Variants in EPS8L2 observed in about 807,000 individuals in gnomAD.
The protein encoded by EPS8L2 is EPS8 signaling adaptor L2.
A neutral mutation model predicts 99.4 loss-of-function variants in EPS8L2; 81 were observed. The observed-to-expected ratio is 0.82, with a 90% CI of 0.68 to 0.98. The LOEUF (loss-of-function observed/expected upper bound fraction) is 0.98, where lower values mean the gene tolerates loss of function less well. Ranked by LOEUF, EPS8L2 falls within the 50% of genes least tolerant of loss-of-function variation. The pLI, the probability that EPS8L2 is intolerant of heterozygous loss-of-function variation, is 0.00. For synonymous variants in EPS8L2, 509 were observed against 407.3 expected (o/e 1.25, Z -3.01); for missense variants, 1,155 against 968.8 (o/e 1.19, Z -2.55).
chr11:719,451 G>A (rs949427188), intron 4 of EPS8L2, among the ~76,000 whole-genome samples: 1 of 152,246 alleles, frequency 6.6e-6, no homozygotes, highest in Non-Finnish European at 1.5e-5. Context: ...AAGAGGAGAG[G>A]TGAAGGGCAC....
At chr11:715,038 C>G (rs539449123) in intron 4 of EPS8L2, among the ~76,000 whole-genome samples, 28 of 152,132 alleles carry the variant, frequency 1.8e-4, no homozygotes, top group East Asian at 1.2e-3. Flanking sequence ...GTCAGGAGAT[C>G]AAGACCATTC....
chr11:720,606 G>T lies in EPS8L2; in HGVS notation c.337G>T (p.Glu113Ter). The T allele has an allele frequency of 6.2e-7, 1 of 1,600,148 alleles. No individual in the cohort carries two copies. Among genetic ancestry groups the T allele is most frequent in the South Asian group, 1.1e-5 (1 of 88,624 alleles). ...CGCGATGTACCCGCAGGAGGAGCTG[G>T]AAGACTTCCCGCTGCCCACGGTGCA... ...LLDIESQEEL[E>*]DFPLPTVQRS... The change falls in exon 6 of 21, where the codon GAA becomes TAA. Residue 113 changes from glutamate (E) to a stop codon, truncating the protein, a stop_gained. Transcript: ENST00000318562. LOFTEE classifies it high-confidence loss of function.
rs1485373721 is a variant in EPS8L2 at position 715,617 on chromosome 11, TG to T, written c.166-4444del. On this transcript the variant is annotated intron_variant, in intron 4 of 20. Coordinates refer to ENST00000318562, the MANE Select transcript of EPS8L2 (RefSeq NM_022772.4). ...TTTGATTCACTTTATCTTTTTCTTTTGTTTTTTTTTTTTTTTTTTTTGAAAT... is the reference window on the plus strand; with the variant it reads ...TTTGATTCACTTTATCTTTTTCTTTTTTTTTTTTTTTTTTTTTTTTGAAAT... 7.6e-3 allele frequency among the ~76,000 whole-genome samples: 1,122 copies of T among 147,210 alleles called. 22 individuals carry two copies. Among genetic ancestry groups the T allele is most frequent in the African/African-American group, 0.028 (1,064 of 38,602 alleles).
chr11:726,204 G>A (rs370988229), intron 18 of EPS8L2, 34 bp downstream of exon 18: 1 of 1,587,812 alleles, frequency 6.3e-7, no homozygotes, highest in Non-Finnish European at 8.6e-7. Context: ...GGGGTCCCGG[G>A]CCCAGGGCCA....
In EPS8L2 at chr11:725,977, A is replaced by G. The variant is rs985477027; in HGVS notation, c.1681-121A>G. 8 of 1,338,334 alleles carry G rather than the reference A, an allele frequency of 6.0e-6. No individual in the cohort carries two copies. The Admixed American group carries it at 8.5e-5, about 14-fold the overall frequency. 82.9% of individuals were successfully genotyped at this position (1,338,334 alleles called of 1,614,324 possible). On this transcript the variant is annotated intron_variant, in intron 17 of 20. Coordinates refer to ENST00000318562, the MANE Select transcript of EPS8L2 (RefSeq NM_022772.4). ...GGCAGGTGCAGGGCTCCCTGGGCAG[A>G]AGGAAAGGGCTGGTCCGCAGGCCGG...
chr11:722,364 T>C, intron 12 of EPS8L2, 37 bp from the exon 13 acceptor site: 2 of 1,604,382 alleles, frequency 1.2e-6, no homozygotes, highest in Non-Finnish European at 8.5e-7. Flanking sequence ...CCAGGGTCTG[T>C]GGGCCTCAGT....
At position 726,659 on chromosome 11, in the gene EPS8L2, T is replaced by G; in HGVS notation, c.1975T>G (p.Phe659Val). 6.4e-7 allele frequency: 1 copy of G among 1,564,242 alleles called. No individual in the cohort carries two copies. The highest frequency in any genetic ancestry group is 8.7e-7 in the Non-Finnish European group (1 of 1,155,090). ...GGGCATCCTGACCGGGCCGCAGCTC[T>G]TCTCCCTCAACAAGGAGGAGCTGAA... ...NLGILTGPQLFSLNKEELKKV... is the reference protein window; with the variant it reads ...NLGILTGPQLVSLNKEELKKV... The change falls in exon 20 of 21, where the codon TTC becomes GTC. Residue 659 changes from phenylalanine (F) to valine (V), a missense_variant. Coordinates refer to ENST00000318562, the MANE Select transcript of EPS8L2 (RefSeq NM_022772.4).
chr11:721,931 C>T lies in EPS8L2; in HGVS notation c.924C>T (p.Pro308=), dbSNP rs7949926. 0.094 allele frequency: 150,288 copies of T among 1,596,542 alleles called. 8,334 individuals are homozygous for T. Among genetic ancestry groups the T allele is most frequent in the African/African-American group, 0.24 (18,130 of 74,446 alleles). The change falls in exon 11 of 21, where the codon CCC becomes CCT. Residue 308 remains proline (P), a synonymous_variant. Coordinates refer to ENST00000318562, the MANE Select transcript of EPS8L2 (RefSeq NM_022772.4). The stretch of plus-strand genomic sequence containing the variant: ...GCGTCCTCACACTGCGGGCACGGCC[C>T]CCCTCTGAGGGCGAGTTCATCGACT... ...AEGVLTLRAR[P]PSEGEFIDCF...
In EPS8L2 at chr11:723,344, A is replaced by G; in HGVS notation, c.1445A>G (p.His482Arg). Reference protein sequence around the residue: ...GDALPPVSSPHTHRGYQPTPA... With the variant: ...GDALPPVSSPRTHRGYQPTPA... Reference sequence around the variant, plus strand: ...GCCCTACCACCAGTCAGCTCCCCACATACTCACAGGTAAGCCCCCCTCAAA... The same window carrying G: ...GCCCTACCACCAGTCAGCTCCCCACGTACTCACAGGTAAGCCCCCCTCAAA... Residue 482 changes from histidine to arginine, a missense_variant, in exon 15 of 21, where the codon CAT (histidine) becomes CGT (arginine). Coordinates refer to ENST00000318562, the MANE Select transcript of EPS8L2 (RefSeq NM_022772.4). The G allele has an allele frequency of 6.6e-7, 1 of 1,522,478 alleles. No homozygotes were observed. The highest frequency in any genetic ancestry group is 1.2e-5 in the South Asian group (1 of 84,576). 94.3% of individuals were successfully genotyped at this position (1,522,478 alleles called of 1,614,324 possible).
At chr11:717,061 C>CT (rs1479110055) in intron 4 of EPS8L2, among the ~76,000 whole-genome samples, 1 of 152,234 alleles carries the variant, frequency 6.6e-6, no homozygotes, top group Non-Finnish European at 1.5e-5. Context: ...ACTGCAATCT[C>CT]TACCTTCCGG....
intron 4 of EPS8L2, among the ~76,000 whole-genome samples, chr11:718,087 C>A (rs1282616604): frequency 6.6e-6 from 1 of 152,100 alleles, no homozygotes; most frequent in Non-Finnish European, 1.5e-5. Context: ...AATCCCAGCA[C>A]TTTGGGAGGC....
At position 720,225 on chromosome 11, in the gene EPS8L2, T is replaced by C. The variant is rs1862119357; in HGVS notation, c.327+2T>C. 13 of 1,612,600 alleles carry C rather than the reference T, an allele frequency of 8.1e-6. No individual in the cohort carries two copies. Among genetic ancestry groups the C allele is most frequent in the Non-Finnish European group, 1.1e-5 (13 of 1,179,794 alleles). ...CGGCTGCTGGACATCGAGTCACAGG[T>C]GGGGCCCAGCGCCACGGGGGACAGG... On this transcript the variant is annotated splice_donor_variant, in intron 5 of 20. Transcript: ENST00000318562. LOFTEE classifies it high-confidence loss of function.
chr11:707,642 C>T (rs1302561636), intron 1 of EPS8L2, among the ~76,000 whole-genome samples: 1 of 151,972 alleles, frequency 6.6e-6, no homozygotes, highest in Non-Finnish European at 1.5e-5. Context: ...GAGGCAGCCC[C>T]ATACCCATGT....
In EPS8L2 at chr11:727,017, A is replaced by T. The variant is rs1369156469; in HGVS notation, c.*36A>T. 1 of 1,422,310 alleles carries T rather than the reference A, an allele frequency of 7.0e-7. No homozygotes were observed. Among genetic ancestry groups the T allele is most frequent in the Non-Finnish European group, 9.9e-7 (1 of 1,010,978 alleles). 88.1% of individuals were successfully genotyped at this position (1,422,310 alleles called of 1,614,324 possible). A position where few individuals can be genotyped will look rare whatever the true frequency, so the allele number is the denominator to read the frequency against. ...CTTGGGCTGGGGCCTGCGGAGGGGA[A>T]GCCCACCCACAATGCATGGAGTATT... On this transcript the variant is annotated 3_prime_UTR_variant, in exon 21 of 21. Transcript: ENST00000318562.
At chr11:715,136 G>A (rs2133510909) in intron 4 of EPS8L2, among the ~76,000 whole-genome samples, 1 of 152,104 alleles carries the variant, frequency 6.6e-6, no homozygotes. Flanking sequence ...CAGCTACTCG[G>A]GAGGCTGAGG....
chr11:712,763 G>T (rs926602716), intron 4 of EPS8L2, among the ~76,000 whole-genome samples: 1 of 152,198 alleles, frequency 6.6e-6, no homozygotes, highest in African/African-American at 2.4e-5. Flanking sequence ...CTCTTGAATC[G>T]GGCTGTTTTG....
In EPS8L2 at chr11:721,199, C is replaced by A. The variant is rs1862164344; in HGVS notation, c.693C>A (p.Ser231Arg). 3 of 1,531,692 alleles carry A rather than the reference C, an allele frequency of 2.0e-6. No individual in the cohort carries two copies. The highest frequency in any genetic ancestry group is 1.4e-5 in the African/African-American group (1 of 72,644). 94.9% of individuals were successfully genotyped at this position (1,531,692 alleles called of 1,614,324 possible). ...GCGTGGGCCCGCAGGTGCCACTCAG[C>A]GAGCCAGGTGGGCCGAGGGGCTGGA... ...KNRVGPQVPLSEPGFRRRESQ... is the reference protein window; with the variant it reads ...KNRVGPQVPLREPGFRRRESQ... Residue 231 changes from serine (S) to arginine (R), a missense_variant, in exon 8 of 21, where the codon AGC (serine) becomes AGA (arginine). Physicochemically the swap from Ser to Arg is moderately radical, Grantham distance 110. Coordinates refer to ENST00000318562, the MANE Select transcript of EPS8L2 (RefSeq NM_022772.4).
At chr11:718,142 G>A (rs992637298) in intron 4 of EPS8L2, among the ~76,000 whole-genome samples, 1 of 152,162 alleles carries the variant, frequency 6.6e-6, no homozygotes, top group South Asian at 2.1e-4. Context: ...AGACCATTCT[G>A]GCCAACATGG....
Position 710,435 on chromosome 11 carries a change from G to C in EPS8L2, c.114G>C (p.Lys38Asn). 1.2e-6 allele frequency: 2 copies of C among 1,613,666 alleles called. No individual in the cohort carries two copies. The highest frequency in any genetic ancestry group is 1.3e-5 in the African/African-American group (1 of 75,052). ...CTCCCGGTTCAGAGCAGAGGAAGAA[G>C]TATTCCAACTCCAACGTCATCATGC... is the stretch of plus-strand genomic sequence containing the variant. ...SPKDLFEQRK[K>N]YSNSNVIMHE... The change falls in exon 4 of 21, where the codon AAG becomes AAC. Residue 38 changes from lysine to asparagine, a missense_variant. Physicochemically the swap from Lys to Asn is moderately conservative, Grantham distance 94 (BLOSUM62 0). Transcript: ENST00000318562.
Sources: allele counts gnomAD v4.1 joint callset (sites outside exome capture counted in the v4.1 genomes callset), GRCh38; gene constraint gnomAD v4.1.1; transcripts MANE v1.5; gene names NCBI Gene and HGNC (gene_info 2026-07-23, HGNC 2026-07-21).